The following DLG2 variants were observed in gnomAD, a reference collection of about 807,000 sequenced individuals.
DLG2 encodes disks large homolog 2.
In DLG2, 45 loss-of-function variants were observed where a neutral mutation model predicts 132.5. The observed-to-expected ratio is 0.34, with a 90% CI of 0.27 to 0.44. The LOEUF is 0.44. DLG2 is among the 20% of genes least tolerant of loss of function. The pLI is 1.00. For synonymous variants in DLG2, 424 were observed against 419.6 expected, an observed-to-expected ratio of 1.01 and a Z score of -0.13; for missense variants, 1,045 against 1,196.9, an observed-to-expected ratio of 0.87 and a Z score of 1.87.
chr11:85,543,211 C>T (rs935936904), intron 3 of DLG2, among the ~76,000 whole-genome samples: 6 of 152,252 alleles, frequency 3.9e-5, no homozygotes, highest in South Asian at 2.1e-4. Flanking sequence ...CGTTCAACTC[C>T]GACTTATGAG....
chr11:84,345,342 C>G (rs1446071096), intron 7 of DLG2, among the ~76,000 whole-genome samples: 1 of 152,148 alleles, frequency 6.6e-6, no homozygotes, highest in African/African-American at 2.4e-5. Context: ...AAGTCCTGTA[C>G]ACGAGTAAAT....
intron 17 of DLG2, among the ~76,000 whole-genome samples, chr11:83,815,824 C>T (rs915791979): frequency 1.3e-5 from 2 of 152,160 alleles, no homozygotes; most frequent in African/African-American, 4.8e-5. Flanking sequence ...CAGATTAAAG[C>T]AGTAAAAAGG....
chr11:85,605,129 GA>G (rs1254444256), intron 2 of DLG2, among the ~76,000 whole-genome samples: 1 of 152,078 alleles, frequency 6.6e-6, no homozygotes, highest in African/African-American at 2.4e-5. Context: ...AGTTTAAAAA[GA>G]ACTTTTAAAT....
At chr11:83,935,638 T>C (rs1291324209) in intron 14 of DLG2, among the ~76,000 whole-genome samples, 1 of 152,144 alleles carries the variant, frequency 6.6e-6, no homozygotes, top group African/African-American at 2.4e-5. Flanking sequence ...ACTCAAGAAT[T>C]TCCACGGGGG....
chr11:84,952,838 A>C (rs1217606498), intron 6 of DLG2, among the ~76,000 whole-genome samples: 1 of 152,236 alleles, frequency 6.6e-6, no homozygotes, highest in East Asian at 1.9e-4. Context: ...ATTCAGACCT[A>C]AAGATGATTT....
intron 18 of DLG2, among the ~76,000 whole-genome samples, chr11:83,734,081 T>C (rs2091487382): frequency 1.3e-5 from 2 of 152,200 alleles, no homozygotes; most frequent in Non-Finnish European, 1.5e-5. Context: ...CATATTGTTG[T>C]AAAAGACATG....
In DLG2 at chr11:83,471,622, T is replaced by A. The variant is rs759830042; in HGVS notation, c.2446+4A>T. On this transcript the variant is annotated splice_donor_region_variant and intron_variant, in intron 24 of 27. Coordinates refer to ENST00000376104, the MANE Select transcript of DLG2 (RefSeq NM_001142699.3). ...TTCCTAGAGGAAAGAAAAATGACAC[T>A]TACGAGGCACACAGGAGCCAAATTT... The A allele has an allele frequency of 6.2e-7, 1 of 1,608,408 alleles. No homozygotes were observed. Among genetic ancestry groups the A allele is most frequent in the Admixed American group, 1.7e-5 (1 of 59,874 alleles).
intron 6 of DLG2, among the ~76,000 whole-genome samples, chr11:84,633,685 T>C (rs2099635951): frequency 6.6e-6 from 1 of 152,148 alleles, no homozygotes; most frequent in Admixed American, 6.6e-5. Flanking sequence ...ACAGAGCCTG[T>C]CACACGGTAG....
intron 6 of DLG2, among the ~76,000 whole-genome samples, chr11:84,535,518 T>C (rs955509061): frequency 4.6e-5 from 7 of 152,202 alleles, no homozygotes; most frequent in African/African-American, 1.7e-4. Context: ...AAGATTATTG[T>C]TTGAGTCTTC....
intron 6 of DLG2, among the ~76,000 whole-genome samples, chr11:84,816,500 C>T (rs572887257): frequency 3.2e-4 from 48 of 151,946 alleles, no homozygotes; most frequent in African/African-American, 1.1e-3. Context: ...AGTGGTCTAA[C>T]ATTTTTTGAT....
At chr11:83,649,045 T>A (rs891829269) in intron 18 of DLG2, among the ~76,000 whole-genome samples, 1 of 152,092 alleles carries the variant, frequency 6.6e-6, no homozygotes, top group Non-Finnish European at 1.5e-5. Context: ...GATGGTCTCG[T>A]GGGTCTGGTA....
chr11:84,453,143 G>A (rs1212522885), intron 7 of DLG2, among the ~76,000 whole-genome samples: 1 of 151,570 alleles, frequency 6.6e-6, no homozygotes. Context: ...TTAGACATCT[G>A]ACTGAAGACA....
chr11:83,720,326 A>AAAAAT (rs1593067642), intron 18 of DLG2, among the ~76,000 whole-genome samples: 2 of 138,536 alleles, frequency 1.4e-5, no homozygotes, highest in Non-Finnish European at 3.1e-5. Flanking sequence ...AAAAAAAAAA[A>AAAAAT]GAATGACATT....
chr11:83,621,379 T>A (rs1382638221), intron 19 of DLG2, among the ~76,000 whole-genome samples: 1 of 152,056 alleles, frequency 6.6e-6, no homozygotes, highest in Non-Finnish European at 1.5e-5. Context: ...GTCTCACTGT[T>A]TTTCAAAGTC....
chr11:85,438,062 T>C (rs927777040), intron 3 of DLG2, among the ~76,000 whole-genome samples: 2 of 152,184 alleles, frequency 1.3e-5, no homozygotes, highest in African/African-American at 2.4e-5. Flanking sequence ...AGAGAGCTTC[T>C]ACTCATGGTG....
intron 6 of DLG2, among the ~76,000 whole-genome samples, chr11:84,747,834 T>C (rs963755681): frequency 6.6e-6 from 1 of 152,206 alleles, no homozygotes. Flanking sequence ...ATTGAACACA[T>C]GACACAGATG....
At chr11:85,380,978 C>T (rs907635417) in intron 3 of DLG2, among the ~76,000 whole-genome samples, 5 of 152,122 alleles carry the variant, frequency 3.3e-5, no homozygotes, top group Non-Finnish European at 7.3e-5. Flanking sequence ...AGAAAAATCA[C>T]ATGAACTTTT....
chr11:85,263,166 G>T (rs973686814), intron 4 of DLG2, among the ~76,000 whole-genome samples: 3 of 152,194 alleles, frequency 2.0e-5, no homozygotes, highest in Non-Finnish European at 4.4e-5. Context: ...GCCTTACACT[G>T]GATGAATACT....
chr11:85,563,758 C>T (rs542834793), intron 3 of DLG2, among the ~76,000 whole-genome samples: 5 of 152,156 alleles, frequency 3.3e-5, no homozygotes, highest in South Asian at 4.1e-4. Context: ...GGGGCTACTA[C>T]GAATAATGCT....
Sources: allele counts gnomAD v4.1 joint callset (sites outside exome capture counted in the v4.1 genomes callset), GRCh38; gene constraint gnomAD v4.1.1; transcripts MANE v1.5; gene names NCBI Gene and HGNC (gene_info 2026-07-23, HGNC 2026-07-21).